PIR: variants seen among roughly 807,000 people sequenced by gnomAD.
The protein encoded by PIR is pirin.
A neutral mutation model predicts 24.2 loss-of-function variants in PIR; 22 were observed. That is an observed-to-expected ratio of 0.91 (90% CI 0.65 to 1.30). The LOEUF (loss-of-function observed/expected upper bound fraction) is 1.30. Ranked by LOEUF, PIR falls within the 50% of genes most tolerant of loss-of-function variation. The pLI, the probability that PIR is intolerant of heterozygous loss-of-function variation, is 0.00. For missense variants in PIR, 220 were observed against 220.3 expected, an observed-to-expected ratio of 1.00 and a Z score of 0.01; for synonymous variants, 80 against 79.6, an observed-to-expected ratio of 1.00 and a Z score of -0.03.
chrX:15,484,285 G>A (rs980779223), intron 2 of PIR, among the ~76,000 whole-genome samples: 8 of 104,304 alleles, frequency 7.7e-5, no homozygotes, highest in Non-Finnish European at 1.2e-4. Flanking sequence ...AGAGGAGAGC[G>A]GTAGATACAG....
intron 6 of PIR, among the ~76,000 whole-genome samples, chrX:15,419,211 T>C (rs949852721): frequency 2.7e-5 from 3 of 111,788 alleles, no homozygotes; most frequent in African/African-American, 9.8e-5. Context: ...GTATGTCTGA[T>C]GACAGGCAGC....
At chrX:15,453,753 G>T (rs1053507974) in intron 5 of PIR, among the ~76,000 whole-genome samples, 15 of 111,847 alleles carry the variant, frequency 1.3e-4, no homozygotes, top group Non-Finnish European at 2.4e-4. Flanking sequence ...ATGGTCTGCT[G>T]CTTGAAAGTG....
At chrX:15,386,097 A>T (rs1344809543) in intron 9 of PIR, among the ~76,000 whole-genome samples, 2 of 112,111 alleles carry the variant, frequency 1.8e-5, no homozygotes, top group African/African-American at 3.2e-5. Context: ...AGACTTGTTC[A>T]CTCAGTGTAT....
chrX:15,488,077 G>A (rs1254072258), intron 2 of PIR, among the ~76,000 whole-genome samples: 2 of 109,699 alleles, frequency 1.8e-5, no homozygotes, highest in African/African-American at 6.7e-5. Flanking sequence ...TTGGGAGTTT[G>A]AGACCAGCCT....
chrX:15,385,733 C>G (rs1290666727), intron 9 of PIR, among the ~76,000 whole-genome samples: 1 of 112,095 alleles, frequency 8.9e-6, no homozygotes, highest in Non-Finnish European at 1.9e-5. Context: ...CAGTGTCTGT[C>G]TCAACTACTC....
intron 5 of PIR, among the ~76,000 whole-genome samples, chrX:15,436,572 GC>G (rs959760742): frequency 9.0e-6 from 1 of 111,565 alleles, no homozygotes; most frequent in African/African-American, 3.3e-5. Context: ...ACCACAAATG[GC>G]CCCCAAATAG....
intron 4 of PIR, among the ~76,000 whole-genome samples, chrX:15,457,989 T>A (rs180904810): frequency 2.6e-3 from 291 of 112,326 alleles, no homozygotes; most frequent in African/African-American, 8.0e-3. Context: ...TAGAAAAAAT[T>A]TGTTGACCCT....
intron 8 of PIR, among the ~76,000 whole-genome samples, chrX:15,396,931 G>A (rs1399272944): frequency 9.0e-6 from 1 of 111,179 alleles, no homozygotes; most frequent in Non-Finnish European, 1.9e-5. Context: ...TAGTGGACAC[G>A]GGGTTTCACC....
At chrX:15,404,246 C>T (rs1569195128) in intron 7 of PIR, among the ~76,000 whole-genome samples, 1 of 111,986 alleles carries the variant, frequency 8.9e-6, no homozygotes, top group Non-Finnish European at 1.9e-5. Flanking sequence ...AGTGATCTGC[C>T]TGCCTCAGCC....
chrX:15,491,429 T>C, intron 1 of PIR, 120 bp from the exon 2 acceptor site: 2 of 395,339 alleles, frequency 5.1e-6, no homozygotes, highest in Non-Finnish European at 8.8e-6. Flanking sequence ...TGTTGATGTC[T>C]TACTATGTGC....
At chrX:15,413,634 T>C (rs1363118490) in intron 6 of PIR, among the ~76,000 whole-genome samples, 3 of 112,323 alleles carry the variant, frequency 2.7e-5, no homozygotes, top group Admixed American at 9.4e-5. Context: ...ATCTGAGAGA[T>C]AGGTTATTAC....
At chrX:15,462,477 GC>G (rs1009977517) in intron 3 of PIR, among the ~76,000 whole-genome samples, 5 of 111,671 alleles carry the variant, frequency 4.5e-5, no homozygotes, top group African/African-American at 1.6e-4. Context: ...AAAAAAAAAT[GC>G]CCAGGAGGCA....
intron 6 of PIR, among the ~76,000 whole-genome samples, chrX:15,410,432 G>A (rs941624011): frequency 9.0e-6 from 1 of 111,444 alleles, no homozygotes; most frequent in African/African-American, 3.3e-5. Flanking sequence ...CGGTTTAAAG[G>A]TATTAAAAAG....
chrX:15,455,863 T>C lies in PIR; in HGVS notation c.465A>G (p.Glu155=), dbSNP rs147940788. The C allele has an allele frequency of 5.0e-6, 6 of 1,207,016 alleles. No individual in the cohort carries two copies. The highest frequency in any genetic ancestry group is 6.7e-6 in the Non-Finnish European group (6 of 892,214). ...DGVTVAVISG[E]ALGIKSKVYT... is the part of the protein sequence containing the mutation. Reference sequence around the variant, plus strand: ...CCTGGCTTACCTTTATTCCCAGGGCTTCTCCAGAAATGACAGCAACTGTCA... The same window carrying C: ...CCTGGCTTACCTTTATTCCCAGGGCCTCTCCAGAAATGACAGCAACTGTCA... The change falls in exon 5 of 10, where the codon GAA becomes GAG. Residue 155 remains glutamate, a synonymous_variant. Transcript: ENST00000380420.
chrX:15,466,798 C>T (rs1046313255), intron 3 of PIR, among the ~76,000 whole-genome samples: 1 of 111,649 alleles, frequency 9.0e-6, no homozygotes, highest in Non-Finnish European at 1.9e-5. Context: ...TCATAGTTCA[C>T]CTCCTCGCTT....
chrX:15,401,391 G>C (rs1311100171), intron 7 of PIR, among the ~76,000 whole-genome samples: 1 of 101,290 alleles, frequency 9.9e-6, no homozygotes, highest in African/African-American at 4.8e-5. Flanking sequence ...TGGAGTCAGG[G>C]TTCCAGGTTA....
chrX:15,491,036 G>A, intron 2 of PIR, 126 bp downstream of exon 2: 1 of 472,411 alleles, frequency 2.1e-6, no homozygotes, highest in South Asian at 3.9e-5. Flanking sequence ...AAACTTTAAA[G>A]TTTGCACTTA....
chrX:15,486,384 T>G (rs1283037573), intron 2 of PIR, among the ~76,000 whole-genome samples: 2 of 108,159 alleles, frequency 1.8e-5, no homozygotes, highest in African/African-American at 6.8e-5. Context: ...TGGAATTTTA[T>G]TTACAACAGG....
chrX:15,448,656 C>T (rs1926184976), intron 5 of PIR, among the ~76,000 whole-genome samples: 1 of 112,131 alleles, frequency 8.9e-6, no homozygotes, highest in East Asian at 2.8e-4. Context: ...CTTCCTCTTG[C>T]CCTGCCATAA....
Sources: gnomAD v4.1 joint callset for allele counts (sites outside exome capture counted in the v4.1 genomes callset) on GRCh38, gnomAD v4.1.1 for gene constraint, MANE v1.5 for transcripts, NCBI Gene and HGNC (gene_info 2026-07-23, HGNC 2026-07-21) for gene names.